Variants in CYP19A1 observed in about 807,000 individuals in gnomAD.
CYP19A1 encodes aromatase.
A neutral mutation model predicts 44.4 loss-of-function variants in CYP19A1; 32 were observed. That is an observed-to-expected ratio of 0.72 (90% CI 0.54 to 0.97). The LOEUF (loss-of-function observed/expected upper bound fraction) is 0.97. CYP19A1 is among the 50% of genes least tolerant of loss of function. The probability of loss-of-function intolerance (pLI) is 0.00; values close to 1 mark genes in which losing one functional copy is unlikely to be tolerated. For synonymous variants in CYP19A1, 212 were observed against 215.6 expected (o/e 0.98, Z 0.14); for missense variants, 598 against 637.8 (o/e 0.94, Z 0.67).
chr15:51,244,952 A>G (rs1205235222), intron 1 of CYP19A1, among the ~76,000 whole-genome samples: 1 of 152,240 alleles, frequency 6.6e-6, no homozygotes, highest in East Asian at 1.9e-4. Context: ...ATTTTCACAA[A>G]GAAAGAAAAC....
chr15:51,228,137 CCT>C (rs1175934823), intron 3 of CYP19A1, among the ~76,000 whole-genome samples: 1 of 152,110 alleles, frequency 6.6e-6, no homozygotes, highest in East Asian at 1.9e-4. Context: ...CTACTGACTC[CCT>C]GTTTCAACAT....
chr15:51,215,481 A>C (rs2031480042), intron 7 of CYP19A1, among the ~76,000 whole-genome samples: 1 of 152,240 alleles, frequency 6.6e-6, no homozygotes, highest in African/African-American at 2.4e-5. Flanking sequence ...ACTGTTACAC[A>C]GAAGAGTCAC....
intron 1 of CYP19A1, among the ~76,000 whole-genome samples, chr15:51,245,567 C>T (rs1021717845): frequency 2.0e-5 from 3 of 152,098 alleles, no homozygotes; most frequent in Admixed American, 2.0e-4. Flanking sequence ...AATAAACTAC[C>T]ATCAGAGTGA....
intron 1 of CYP19A1, chr15:51,293,879 G>A (rs1278677109): frequency 2.5e-5 from 5 of 201,156 alleles, no homozygotes; most frequent in Non-Finnish European, 4.9e-5. Context: ...CCCAGGCTGG[G>A]GTGCAGTGGC....
intron 1 of CYP19A1, among the ~76,000 whole-genome samples, chr15:51,327,159 C>G (rs2036620785): frequency 6.6e-6 from 1 of 152,212 alleles, no homozygotes; most frequent in African/African-American, 2.4e-5. Flanking sequence ...GTAAAGTCAC[C>G]TAGGACTTAG....
intron 6 of CYP19A1, among the ~76,000 whole-genome samples, chr15:51,216,298 C>T (rs1360818770): frequency 6.6e-6 from 1 of 152,174 alleles, no homozygotes; most frequent in African/African-American, 2.4e-5. Flanking sequence ...GTCACCCAGG[C>T]TGGAGTGCAG....
chr15:51,298,586 A>T lies in CYP19A1; in HGVS notation c.-39+39909T>A, dbSNP rs114496958. ...AAAGCAGACTAGATGGTTTCTAAGGACTCTTCTAGCTTGGCCATTTTTAGG... is the reference window on the plus strand; with the variant it reads ...AAAGCAGACTAGATGGTTTCTAAGGTCTCTTCTAGCTTGGCCATTTTTAGG... On this transcript the variant is annotated intron_variant, in intron 1 of 9. Transcript: ENST00000396402. Among the ~76,000 whole-genome samples, 1,253 of 152,238 alleles carry T rather than the reference A, an allele frequency of 8.2e-3. 13 individuals carry two copies. Among genetic ancestry groups the T allele is most frequent in the African/African-American group, 0.02 (840 of 41,544 alleles).
Position 51,215,187 on chromosome 15 carries a change from C to T in CYP19A1, c.904G>A (p.Glu302Lys), listed in dbSNP as rs1019317190. Residue 302 changes from glutamate to lysine, a missense_variant, in exon 8 of 10, where the codon GAA becomes AAA. Glu to Lys is a moderately conservative substitution (Grantham distance 56). Coordinates refer to ENST00000396402, the MANE Select transcript of CYP19A1 (RefSeq NM_000103.4). ...TRENVNQCIL[E>K]MLIAAPDTMS... ...GTGTCAGGAGCTGCGATCAGCATTT[C>T]CAATATGCACTGGTTCACATTCTCT... The T allele has an allele frequency of 2.5e-6, 4 of 1,613,940 alleles. No homozygotes were observed. The African/African-American group carries it at 5.3e-5, about 22-fold the overall frequency.
chr15:51,330,798 A>G (rs1178692167), intron 1 of CYP19A1, among the ~76,000 whole-genome samples: 1 of 152,230 alleles, frequency 6.6e-6, no homozygotes, highest in Non-Finnish European at 1.5e-5. Context: ...AGGAATGTCA[A>G]GGAGGAGGAA....
chr15:51,226,834 C>T (rs1048755740), intron 4 of CYP19A1, among the ~76,000 whole-genome samples: 1 of 152,148 alleles, frequency 6.6e-6, no homozygotes, highest in Non-Finnish European at 1.5e-5. Flanking sequence ...GGTCTCAGCT[C>T]ATTCATTACT....
chr15:51,318,094 C>A (rs1177288716), intron 1 of CYP19A1, among the ~76,000 whole-genome samples: 1 of 152,172 alleles, frequency 6.6e-6, no homozygotes, highest in East Asian at 1.9e-4. Context: ...CTGTGTAGCT[C>A]CCCTCACAAG....
At chr15:51,289,866 T>C (rs981150225) in intron 1 of CYP19A1, among the ~76,000 whole-genome samples, 2 of 152,034 alleles carry the variant, frequency 1.3e-5, no homozygotes, top group African/African-American at 4.8e-5. Flanking sequence ...CTCCCCAACA[T>C]CCTACACAGC....
intron 1 of CYP19A1, chr15:51,318,477 C>A (rs2036468801): frequency 1.3e-5 from 2 of 152,336 alleles, no homozygotes; most frequent in African/African-American, 4.8e-5. Context: ...CTGTCAGGCT[C>A]CAGTTGGTCA....
At chr15:51,273,649 C>T (rs1023147290) in intron 1 of CYP19A1, among the ~76,000 whole-genome samples, 4 of 152,102 alleles carry the variant, frequency 2.6e-5, no homozygotes, top group African/African-American at 9.7e-5. Context: ...AGGCCCCTCA[C>T]CTCCGAGAAG....
intron 1 of CYP19A1, among the ~76,000 whole-genome samples, chr15:51,281,947 G>A (rs777118569): frequency 6.6e-6 from 1 of 152,170 alleles, no homozygotes; most frequent in Non-Finnish European, 1.5e-5. Flanking sequence ...AAAGGGAAGG[G>A]CTAAGAAGGA....
intron 1 of CYP19A1, among the ~76,000 whole-genome samples, chr15:51,287,408 T>G (rs1008991135): frequency 6.6e-6 from 1 of 152,154 alleles, no homozygotes; most frequent in Non-Finnish European, 1.5e-5. Flanking sequence ...CTGCTTGGAA[T>G]TGGCCCGGAA....
At chr15:51,240,060 T>A (rs866263818) in intron 2 of CYP19A1, among the ~76,000 whole-genome samples, 1 of 12,146 alleles carries the variant, frequency 8.2e-5, no homozygotes, top group Non-Finnish European at 1.8e-4. Context: ...CCCGCCCCCC[T>A]CCCCCGGCCA....
intron 2 of CYP19A1, among the ~76,000 whole-genome samples, chr15:51,240,162 G>A (rs905287657): frequency 2.7e-5 from 4 of 150,226 alleles, no homozygotes; most frequent in Admixed American, 1.4e-4. Context: ...TTCCTTGACT[G>A]TCTTTACTAC....
chr15:51,269,219 G>A (rs1035621069), intron 1 of CYP19A1, among the ~76,000 whole-genome samples: 1 of 152,032 alleles, frequency 6.6e-6, no homozygotes, highest in Non-Finnish European at 1.5e-5. Context: ...AGGGTTAATA[G>A]GGTTATTATT....
Sources: gnomAD v4.1 joint callset for allele counts (sites outside exome capture counted in the v4.1 genomes callset) on GRCh38, gnomAD v4.1.1 for gene constraint, MANE v1.5 for transcripts, NCBI Gene and HGNC (gene_info 2026-07-23, HGNC 2026-07-21) for gene names.